RBFOX1: variants seen among roughly 807,000 people sequenced by gnomAD.
RBFOX1 encodes RNA binding protein fox-1 homolog 1.
RBFOX1 carries 8 observed loss-of-function variants against 57.7 expected under a neutral mutation model. That is an observed-to-expected ratio of 0.14 (90% CI 0.08 to 0.25). The LOEUF (loss-of-function observed/expected upper bound fraction) is 0.25. RBFOX1 is among the 10% of genes least tolerant of loss of function. The pLI, the probability that RBFOX1 is intolerant of heterozygous loss-of-function variation, is 1.00. For synonymous variants in RBFOX1, 326 were observed against 222.4 expected, an observed-to-expected ratio of 1.47 and a Z score of -4.15; for missense variants, 611 against 548.5, an observed-to-expected ratio of 1.11 and a Z score of -1.14.
At chr16:6,471,880 A>G (rs548827468) in intron 2 of RBFOX1, among the ~76,000 whole-genome samples, 129 of 152,302 alleles carry the variant, frequency 8.5e-4, no homozygotes, top group African/African-American at 2.9e-3. Context: ...TCAGAAGCAC[A>G]TAGGGAAAGG....
chr16:5,763,678 G>T (rs879905655), intron 3 of RBFOX1, among the ~76,000 whole-genome samples: 5 of 152,218 alleles, frequency 3.3e-5, no homozygotes, highest in African/African-American at 9.6e-5. Context: ...TGAAAACTTG[G>T]ATTTGAAAAG....
At chr16:7,429,926 C>G (rs370657507) in intron 4 of RBFOX1, among the ~76,000 whole-genome samples, 1 of 152,138 alleles carries the variant, frequency 6.6e-6, no homozygotes, top group African/African-American at 2.4e-5. Flanking sequence ...AAATCTCTGC[C>G]TTTGTGGGAC....
chr16:7,615,355 TAATG>T (rs968227240), intron 10 of RBFOX1, among the ~76,000 whole-genome samples: 4 of 151,794 alleles, frequency 2.6e-5, no homozygotes, highest in East Asian at 1.9e-4. Context: ...ATAATAATAA[TAATG>T]AATGAAAACA....
rs77729506 is a variant in RBFOX1, at chr16:6,065,490, T to C, written c.-127+45498T>C. Among the ~76,000 whole-genome samples the C allele has an allele frequency of 4.8e-3, 730 of 152,294 alleles. 9 individuals carry two copies. The highest frequency in any genetic ancestry group is 0.016 in the African/African-American group (681 of 41,556). On this transcript the variant is annotated intron_variant, in intron 1 of 15. Coordinates refer to ENST00000550418, the MANE Select transcript of RBFOX1 (RefSeq NM_018723.4). ...TCATTTCAAAGCCTCTGATATATCATTGCGGTTTCCACTCAGTCCTCTGTC... is the reference window on the plus strand; with the variant it reads ...TCATTTCAAAGCCTCTGATATATCACTGCGGTTTCCACTCAGTCCTCTGTC...
chr16:5,271,000 A>T (rs2062990843), intron 1 of RBFOX1: 1 of 305,724 alleles, frequency 3.3e-6, no homozygotes, highest in Admixed American at 4.4e-5. Context: ...TATTTGTGAA[A>T]AACAAACAAT....
chr16:5,848,903 C>G (rs1162938693), intron 3 of RBFOX1, among the ~76,000 whole-genome samples: 1 of 151,966 alleles, frequency 6.6e-6, no homozygotes, highest in African/African-American at 2.4e-5. Context: ...GAGCCGAGAT[C>G]ATGCCACTGC....
At chr16:7,262,740 G>A (rs1380528602) in intron 4 of RBFOX1, among the ~76,000 whole-genome samples, 1 of 152,232 alleles carries the variant, frequency 6.6e-6, no homozygotes, top group African/African-American at 2.4e-5. Context: ...CATCATGCCC[G>A]GCATGCATGG....
chr16:7,331,595 G>C (rs1243788079), intron 4 of RBFOX1, among the ~76,000 whole-genome samples: 1 of 152,132 alleles, frequency 6.6e-6, no homozygotes, highest in African/African-American at 2.4e-5. Flanking sequence ...CATGATAAAA[G>C]TGGCTAATAG....
intron 4 of RBFOX1, among the ~76,000 whole-genome samples, chr16:7,372,903 A>T (rs1375251852): frequency 6.6e-6 from 1 of 151,388 alleles, no homozygotes; most frequent in Non-Finnish European, 1.5e-5. Context: ...TATAGTTTTG[A>T]AATTTATAGG....
At chr16:6,892,072 T>G (rs148479496) in intron 3 of RBFOX1, among the ~76,000 whole-genome samples, 2 of 152,272 alleles carry the variant, frequency 1.3e-5, no homozygotes, top group Non-Finnish European at 2.9e-5. Context: ...GTGGATGACA[T>G]AGATCCCATT....
chr16:6,883,473 T>A (rs2063358692), intron 3 of RBFOX1, among the ~76,000 whole-genome samples: 1 of 152,220 alleles, frequency 6.6e-6, no homozygotes, highest in South Asian at 2.1e-4. Context: ...CTAGCCGCTT[T>A]CTCTTAGACA....
At chr16:6,726,366 A>C (rs2154169215) in intron 3 of RBFOX1, among the ~76,000 whole-genome samples, 1 of 151,424 alleles carries the variant, frequency 6.6e-6, no homozygotes, top group South Asian at 2.1e-4. Flanking sequence ...TTTGTAAAAA[A>C]ATAATAAATA....
chr16:7,239,011 A>G (rs537208255), intron 4 of RBFOX1, among the ~76,000 whole-genome samples: 21 of 152,288 alleles, frequency 1.4e-4, no homozygotes, highest in African/African-American at 4.8e-4. Context: ...CACAGTATAC[A>G]TGTACCACAC....
At chr16:7,071,317 G>A (rs1475452899) in intron 4 of RBFOX1, among the ~76,000 whole-genome samples, 3 of 152,100 alleles carry the variant, frequency 2.0e-5, no homozygotes, top group Non-Finnish European at 4.4e-5. Context: ...GTAGGTATAT[G>A]TAATTATAAT....
intron 1 of RBFOX1, among the ~76,000 whole-genome samples, chr16:5,369,998 G>C (rs1342902626): frequency 6.6e-6 from 1 of 152,150 alleles, no homozygotes; most frequent in African/African-American, 2.4e-5. Flanking sequence ...CCTGGATGGA[G>C]ACAAAGTTCC....
intron 3 of RBFOX1, among the ~76,000 whole-genome samples, chr16:6,737,480 C>A (rs538650377): frequency 3.9e-5 from 6 of 152,248 alleles, no homozygotes; most frequent in Non-Finnish European, 8.8e-5. Flanking sequence ...ACTCCTTGTC[C>A]AGTTCAGATG....
chr16:6,501,383 A>T (rs996092542), intron 2 of RBFOX1, among the ~76,000 whole-genome samples: 1 of 144,990 alleles, frequency 6.9e-6, no homozygotes, highest in African/African-American at 2.6e-5. Context: ...GAGTGAGAAC[A>T]TGTGGTGTTT....
At chr16:6,347,182 C>G (rs777108901) in intron 2 of RBFOX1, among the ~76,000 whole-genome samples, 2 of 152,146 alleles carry the variant, frequency 1.3e-5, no homozygotes, top group Non-Finnish European at 2.9e-5. Context: ...GGACTTTTAA[C>G]TTTCTGGCCA....
At chr16:5,780,316 T>C (rs1395203531) in intron 3 of RBFOX1, among the ~76,000 whole-genome samples, 3 of 152,232 alleles carry the variant, frequency 2.0e-5, no homozygotes, top group Admixed American at 2.0e-4. Flanking sequence ...TATTTTTTAT[T>C]ATCTTTCTTA....
Sources: allele counts gnomAD v4.1 joint callset (sites outside exome capture counted in the v4.1 genomes callset), GRCh38; gene constraint gnomAD v4.1.1; transcripts MANE v1.5; gene names NCBI Gene and HGNC (gene_info 2026-07-23, HGNC 2026-07-21).